GMPS: variants seen among roughly 807,000 people sequenced by gnomAD.
GMPS encodes the protein guanosine monophosphate synthase, also known as GMP synthase [glutamine-hydrolyzing].
A neutral mutation model predicts 77.9 loss-of-function variants in GMPS; 15 were observed. That is an observed-to-expected ratio of 0.19 (90% CI 0.13 to 0.30). The LOEUF (loss-of-function observed/expected upper bound fraction) is 0.30. GMPS is among the 10% of genes least tolerant of loss of function. The pLI is 1.00. For missense variants in GMPS, 590 were observed against 838.8 expected (o/e 0.70, Z 3.66); for synonymous variants, 224 against 275.9 (o/e 0.81, Z 1.86).
intron 5 of GMPS, among the ~76,000 whole-genome samples, chr3:155,908,892 G>T (rs1363453066): frequency 6.6e-6 from 1 of 152,144 alleles, no homozygotes; most frequent in Non-Finnish European, 1.5e-5. Flanking sequence ...CATACAGACA[G>T]AATTTTAAGG....
chr3:155,920,404 G>T (rs559728671), intron 10 of GMPS, among the ~76,000 whole-genome samples: 6 of 151,718 alleles, frequency 4.0e-5, no homozygotes, highest in Non-Finnish European at 7.4e-5. Flanking sequence ...CTGTAACCCT[G>T]AGTCTACTAA....
intron 13 of GMPS, among the ~76,000 whole-genome samples, chr3:155,933,207 A>T (rs1755671522): frequency 1.3e-5 from 2 of 150,148 alleles, no homozygotes; most frequent in African/African-American, 2.4e-5. Context: ...AAGGAAAAAG[A>T]AAAAAAAAAG....
chr3:155,937,629 T>G lies in GMPS; in HGVS notation c.2019T>G (p.Pro673=). 6.6e-7 allele frequency: 1 copy of G among 1,511,924 alleles called. No homozygotes were observed. Among genetic ancestry groups the G allele is most frequent in the Non-Finnish European group, 9.2e-7 (1 of 1,088,128 alleles). 93.7% of individuals were successfully genotyped at this position (1,511,924 alleles called of 1,614,324 possible). The part of the protein sequence containing the change: ...LKMVTEIKKI[P]GISRIMYDLT... ...TGGTCACTGAGATTAAGAAGATTCC[T>G]GGTATTTCTCGAATTATGTATGACT... Residue 673 remains proline, a synonymous_variant, in exon 16 of 16, where the codon CCT becomes CCG. Transcript: ENST00000496455.
chr3:155,892,741 C>T (rs550638496), intron 1 of GMPS, among the ~76,000 whole-genome samples: 11 of 152,220 alleles, frequency 7.2e-5, no homozygotes, highest in African/African-American at 2.4e-4. Context: ...AAGCGATTCT[C>T]CTGCCTCAGC....
intron 3 of GMPS, among the ~76,000 whole-genome samples, chr3:155,899,436 T>TC (rs1204311188): frequency 6.6e-6 from 1 of 151,384 alleles, no homozygotes; most frequent in Non-Finnish European, 1.5e-5. Flanking sequence ...TCTTTTCTTT[T>TC]TTTTTTTTCA....
chr3:155,909,803 G>A (rs1467455404), intron 5 of GMPS, among the ~76,000 whole-genome samples: 2 of 152,054 alleles, frequency 1.3e-5, no homozygotes, highest in African/African-American at 4.8e-5. Flanking sequence ...TTAGCTGAGT[G>A]TGGTGGCATG....
In GMPS at chr3:155,943,326, A is replaced by C. The variant is rs1284365319; in HGVS notation, c.*5634A>C. ...GTTAGCAAAATTATGAAAGTTTAGG[A>C]AATTTGGCTATTGAGTATATTAAGT... On this transcript the variant is annotated 3_prime_UTR_variant, in exon 16 of 16. Transcript: ENST00000496455. 5.5e-6 allele frequency: 1 copy of C among 181,352 alleles called. No homozygotes were observed. Among genetic ancestry groups the C allele is most frequent in the Non-Finnish European group, 1.2e-5 (1 of 84,910 alleles). The allele number at this position is 181,352 out of a possible 1,614,324, so 11.2% of individuals were successfully genotyped here.
intron 1 of GMPS, among the ~76,000 whole-genome samples, chr3:155,874,495 T>G (rs1753982847): frequency 6.6e-6 from 1 of 152,248 alleles, no homozygotes; most frequent in Non-Finnish European, 1.5e-5. Flanking sequence ...AACAACTATA[T>G]CACCTTTTGT....
rs1755952510 is a variant in GMPS at position 155,943,974 on chromosome 3, G to A, written c.*6282G>A. ...CTTTTTATTTAAATGAGCTAAAGGT[G>A]TGCGTATACACATGCACTTATAAAA... On this transcript the variant is annotated 3_prime_UTR_variant, in exon 16 of 16. Coordinates refer to ENST00000496455, the MANE Select transcript of GMPS (RefSeq NM_003875.3). 5 of 152,254 alleles carry A rather than the reference G, an allele frequency of 3.3e-5. No homozygotes were observed. In the South Asian group the frequency reaches 1.0e-3, roughly 32 times the overall value. The allele number at this position is 152,254 out of a possible 1,614,324, so 9.4% of individuals were successfully genotyped here.
chr3:155,895,738 G>A (rs1186308339), intron 2 of GMPS, among the ~76,000 whole-genome samples: 2 of 152,216 alleles, frequency 1.3e-5, no homozygotes, highest in Admixed American at 1.3e-4. Flanking sequence ...GGCTCAAAGA[G>A]TGATTAGCTT....
Position 155,925,223 on chromosome 3 carries a change from C to A in GMPS, c.1435-18C>A. The A allele has an allele frequency of 6.3e-7, 1 of 1,595,294 alleles. No homozygotes were observed. Among genetic ancestry groups the A allele is most frequent in the Non-Finnish European group, 8.5e-7 (1 of 1,172,480 alleles). The stretch of plus-strand genomic sequence containing the variant: ...TTATTTCTTAAAACTGAAAAAATGC[C>A]TCTTTGGTTTTTCTCAGCCACATAC... On this transcript the variant is annotated intron_variant, in intron 11 of 15. Transcript: ENST00000496455.
intron 3 of GMPS, among the ~76,000 whole-genome samples, chr3:155,901,255 G>A (rs555370534): frequency 3.3e-5 from 5 of 151,628 alleles, no homozygotes; most frequent in East Asian, 3.9e-4. Flanking sequence ...TAGTTTTGCC[G>A]ATTGACCTAT....
chr3:155,926,147 G>T (rs759962276), intron 12 of GMPS, among the ~76,000 whole-genome samples: 12 of 152,188 alleles, frequency 7.9e-5, no homozygotes, highest in Non-Finnish European at 1.5e-4. Context: ...AAGTAGCTGG[G>T]ACTACAGGCA....
chr3:155,909,732 T>A (rs1754981369), intron 5 of GMPS, among the ~76,000 whole-genome samples: 1 of 148,100 alleles, frequency 6.8e-6, no homozygotes, highest in South Asian at 2.1e-4. Context: ...GGAGGATTAC[T>A]TGAGCCCAGG....
Position 155,941,718 on chromosome 3 carries a change from T to C in GMPS, c.*4026T>C. On this transcript the variant is annotated 3_prime_UTR_variant, in exon 16 of 16. Transcript: ENST00000496455. ...TCTCCACCCTTGGAAAGCACATCTT[T>C]TGTTCTTACTGAAGTAGTTTAACAC... is the stretch of plus-strand genomic sequence containing the variant. 4.5e-6 allele frequency: 1 copy of C among 222,056 alleles called. No homozygotes were observed. The highest frequency in any genetic ancestry group is 9.0e-6 in the Non-Finnish European group (1 of 111,038). 13.8% of individuals were successfully genotyped at this position (222,056 alleles called of 1,614,324 possible).
intron 1 of GMPS, among the ~76,000 whole-genome samples, chr3:155,882,823 G>A (rs964008815): frequency 1.3e-5 from 2 of 152,058 alleles, no homozygotes; most frequent in East Asian, 3.9e-4. Flanking sequence ...GGTTACCCTG[G>A]TAAAGTCAGA....
chr3:155,898,969 G>A (rs569903075), intron 3 of GMPS, among the ~76,000 whole-genome samples: 2 of 152,348 alleles, frequency 1.3e-5, no homozygotes, highest in African/African-American at 4.8e-5. Context: ...GGTGGCTCAT[G>A]TCTGTAATCT....
At chr3:155,934,403 T>C (rs1457842900) in intron 13 of GMPS, among the ~76,000 whole-genome samples, 3 of 152,192 alleles carry the variant, frequency 2.0e-5, no homozygotes, top group Non-Finnish European at 4.4e-5. Context: ...TATCGAGTGG[T>C]GGCAGCATAG....
chr3:155,919,301 A>G lies in GMPS; in HGVS notation c.1281A>G (p.Gly427=), dbSNP rs747850909. The G allele has an allele frequency of 3.1e-6, 5 of 1,594,746 alleles. No individual in the cohort carries two copies. In the South Asian group the frequency reaches 5.7e-5, roughly 18 times the overall value. Residue 427 remains glycine (G), a synonymous_variant, in exon 10 of 16, where the codon GGA becomes GGG. Transcript: ENST00000496455. ...DEVRILGREL[G]LPEELVSRHP... is the part of the protein sequence containing the mutation. ...TGAGAATTTTGGGCAGAGAACTTGG[A>G]CTTCCAGAAGAGTTAGTTTCCAGGC...
Sources: allele counts gnomAD v4.1 joint callset (sites outside exome capture counted in the v4.1 genomes callset), GRCh38; gene constraint gnomAD v4.1.1; transcripts MANE v1.5; gene names NCBI Gene and HGNC (gene_info 2026-07-23, HGNC 2026-07-21).